The following NUP155 variants were observed in gnomAD, a reference collection of about 807,000 sequenced individuals.
NUP155 encodes nucleoporin 155.
NUP155 carries 71 observed loss-of-function variants against 180.4 expected under a neutral mutation model. The observed-to-expected ratio is 0.39, with a 90% CI of 0.33 to 0.48. The LOEUF (loss-of-function observed/expected upper bound fraction) is 0.48, where lower values mean the gene tolerates loss of function less well. Ranked by LOEUF, NUP155 falls within the 20% of genes least tolerant of loss-of-function variation. NUP155 has a pLI of 0.91. For missense variants in NUP155, 1,553 were observed against 1,648.9 expected, an observed-to-expected ratio of 0.94 and a Z score of 1.01; for synonymous variants, 582 against 559.5, an observed-to-expected ratio of 1.04 and a Z score of -0.57.
rs1341956433 is a variant in NUP155, at chr5:37,364,294, G to T, written c.248C>A (p.Ser83Tyr). ...AGGTGGGAGAGGAACTCTTCGGATG[G>T]AACTGATCTCTGGAAGGTTGGGTAC... ...LSVPNLPEIS[S>Y]IRRVPLPPEL... The change falls in exon 2 of 35, where the codon TCC (serine) becomes TAC (tyrosine). Residue 83 changes from serine (S) to tyrosine (Y), a missense_variant. By Grantham distance (144) the Ser-to-Tyr change is moderately radical. Transcript: ENST00000231498. 3.1e-6 allele frequency: 5 copies of T among 1,612,692 alleles called. No homozygotes were observed. Among genetic ancestry groups the T allele is most frequent in the Non-Finnish European group, 4.2e-6 (5 of 1,178,750 alleles).
At chr5:37,341,388 G>A in intron 10 of NUP155, 146 bp from the exon 11 acceptor site, 2 of 728,540 alleles carry the variant, frequency 2.7e-6, no homozygotes, top group Non-Finnish European at 4.7e-6. Context: ...TGGAGATGGA[G>A]TCTAGCTCTG....
At chr5:37,328,030 G>C (rs533064945) in intron 17 of NUP155, among the ~76,000 whole-genome samples, 63 of 152,274 alleles carry the variant, frequency 4.1e-4, no homozygotes, top group Non-Finnish European at 7.8e-4. Flanking sequence ...AGACTTGCAA[G>C]TGTTCACAAT....
chr5:37,327,325 A>G (rs1314033314), intron 18 of NUP155: 4 of 368,436 alleles, frequency 1.1e-5, no homozygotes, highest in Admixed American at 4.2e-5. Context: ...AAAGTTGTAC[A>G]TGAATTTTTG....
chr5:37,293,129 A>C (rs925759000), intron 33 of NUP155, 144 bp from the exon 34 acceptor site: 2 of 628,168 alleles, frequency 3.2e-6, no homozygotes, highest in African/African-American at 3.7e-5. Context: ...ACTAAATTAT[A>C]TATCTGATTA....
intron 4 of NUP155, among the ~76,000 whole-genome samples, chr5:37,354,750 C>A (rs1379302353): frequency 1.3e-5 from 2 of 151,966 alleles, no homozygotes; most frequent in East Asian, 2.0e-4. Context: ...AGCCACCACA[C>A]CCAGCCTGAA....
chr5:37,336,762 C>A (rs1449533690), intron 12 of NUP155, among the ~76,000 whole-genome samples: 2 of 152,178 alleles, frequency 1.3e-5, no homozygotes, highest in Non-Finnish European at 2.9e-5. Flanking sequence ...CCTACCCCAG[C>A]TCTTTGAACC....
intron 20 of NUP155, among the ~76,000 whole-genome samples, chr5:37,320,884 G>C (rs1373336206): frequency 6.6e-6 from 1 of 152,188 alleles, no homozygotes; most frequent in Non-Finnish European, 1.5e-5. Flanking sequence ...TGCTGACTGA[G>C]ATGCATGTCT....
intron 22 of NUP155, among the ~76,000 whole-genome samples, chr5:37,312,357 C>T (rs983906741): frequency 4.8e-5 from 7 of 146,124 alleles, no homozygotes; most frequent in African/African-American, 1.7e-4. Context: ...AAGAAGCTCG[C>T]TACAAAGAGG....
rs564303064 is a variant in NUP155 at position 37,345,746 on chromosome 5, T to C, written c.995+2759A>G. On this transcript the variant is annotated intron_variant, in intron 9 of 34. Coordinates refer to ENST00000231498, the MANE Select transcript of NUP155 (RefSeq NM_153485.3). ...GGTGAAACCCTGTCTCTACTGAAAATACAAAAAATTAGCCAGGCACAGTGG... is the reference window on the plus strand; with the variant it reads ...GGTGAAACCCTGTCTCTACTGAAAACACAAAAAATTAGCCAGGCACAGTGG... Among the ~76,000 whole-genome samples the C allele has an allele frequency of 6.6e-5, 10 of 151,106 alleles. No homozygotes were observed. In the East Asian group the frequency reaches 1.8e-3, roughly 27 times the overall value.
intron 3 of NUP155, 62 bp from the exon 4 acceptor site, chr5:37,358,213 T>C: frequency 8.4e-7 from 1 of 1,193,114 alleles, no homozygotes; most frequent in Non-Finnish European, 1.2e-6. Flanking sequence ...ATGTGGTGGC[T>C]CATGTCTTTA....
rs70976294 is a variant in NUP155, at chr5:37,294,005, C to CAAA, written c.3930+321_3930+323dup. 3.8e-3 allele frequency among the ~76,000 whole-genome samples: 143 copies of CAAA among 37,238 alleles called. 9 individuals carry two copies. The highest frequency in any genetic ancestry group is 9.6e-3 in the East Asian group (15 of 1,556). 24.4% of individuals were successfully genotyped at this position (37,238 alleles called of 152,430 possible). A position where few individuals can be genotyped will look rare whatever the true frequency, so the allele number is the denominator to read the frequency against. On this transcript the variant is annotated intron_variant, in intron 33 of 34. Coordinates refer to ENST00000231498, the MANE Select transcript of NUP155 (RefSeq NM_153485.3). ...TGGGCAACAGAGCGAGACGCCGTCT[C>CAAA]AAAAAAAAAAAAAAAAAAAAAAATA...
intron 9 of NUP155, among the ~76,000 whole-genome samples, chr5:37,346,703 T>C (rs11949499): frequency 1.3e-5 from 2 of 151,822 alleles, no homozygotes; most frequent in African/African-American, 4.8e-5. Flanking sequence ...AGAGAGCGTT[T>C]GCAGCTTGAC....
At chr5:37,316,220 T>C (rs1378252896) in intron 21 of NUP155, among the ~76,000 whole-genome samples, 1 of 152,192 alleles carries the variant, frequency 6.6e-6, no homozygotes, top group African/African-American at 2.4e-5. Flanking sequence ...TATGCACATA[T>C]ACACAATAGA....
intron 11 of NUP155, among the ~76,000 whole-genome samples, chr5:37,338,296 C>T (rs1356441357): frequency 6.0e-5 from 8 of 133,914 alleles, no homozygotes; most frequent in Middle Eastern, 4.6e-3. Flanking sequence ...CCAGCCTGGG[C>T]GCCAGAGCAA....
intron 4 of NUP155, among the ~76,000 whole-genome samples, chr5:37,357,456 C>G (rs1377486575): frequency 8.0e-6 from 1 of 125,352 alleles, no homozygotes; most frequent in Non-Finnish European, 1.7e-5. Context: ...AATGCAGACA[C>G]TAAAATTTTT....
rs1214267123 is a variant in NUP155 at position 37,330,038 on chromosome 5, C to T, written c.1724G>A (p.Arg575Lys). 1 of 1,609,700 alleles carries T rather than the reference C, an allele frequency of 6.2e-7. No homozygotes were observed. The highest frequency in any genetic ancestry group is 8.5e-7 in the Non-Finnish European group (1 of 1,176,422). Reference sequence around the variant, plus strand: ...ATAAACAAGAAAAACTTTCACATACCTAAAGAAAGCCCGAGTAGCCCAGGC... The same window carrying T: ...ATAAACAAGAAAAACTTTCACATACTTAAAGAAAGCCCGAGTAGCCCAGGC... ...VSAWATRAFF[R>K]YGGEAQMRFP... The change falls in exon 15 of 35, where the codon AGG becomes AAG. Residue 575 changes from arginine (R) to lysine (K), a missense_variant and splice_region_variant. Coordinates refer to ENST00000231498, the MANE Select transcript of NUP155 (RefSeq NM_153485.3).
chr5:37,292,818 C>T, intron 34 of NUP155, 61 bp downstream of exon 34: 1 of 1,040,412 alleles, frequency 9.6e-7, no homozygotes, highest in Non-Finnish European at 1.5e-6. Context: ...AATTTTTTAC[C>T]CAGGTATTTA....
intron 30 of NUP155, 32 bp downstream of exon 30, chr5:37,301,405 T>C: frequency 1.4e-6 from 2 of 1,410,322 alleles, no homozygotes; most frequent in Middle Eastern, 1.8e-4. Context: ...ATTAGGTAAC[T>C]ACTATAAAAA....
intron 13 of NUP155, 126 bp from the exon 14 acceptor site, chr5:37,331,921 G>A: frequency 4.4e-6 from 3 of 688,352 alleles, no homozygotes; most frequent in Non-Finnish European, 5.2e-6. Context: ...TACAAAGTAG[G>A]CTGGGTATGG....
Sources: gnomAD v4.1 joint callset for allele counts (sites outside exome capture counted in the v4.1 genomes callset) on GRCh38, gnomAD v4.1.1 for gene constraint, MANE v1.5 for transcripts, NCBI Gene and HGNC (gene_info 2026-07-23, HGNC 2026-07-21) for gene names.